NEBL: variants seen among roughly 807,000 people sequenced by gnomAD.
NEBL encodes the protein nebulette.
Under a neutral mutation model 140.2 loss-of-function variants are expected in NEBL, and 122 were observed. The ratio of observed to expected loss-of-function variants is 0.87; its 90% CI spans 0.75 to 1.01. The LOEUF (loss-of-function observed/expected upper bound fraction) is 1.01. NEBL is among the 50% of genes least tolerant of loss of function. The probability of loss-of-function intolerance (pLI) is 0.00; values close to 1 mark genes in which losing one functional copy is unlikely to be tolerated. For missense variants in NEBL, 1,365 were observed against 1,231.3 expected, an observed-to-expected ratio of 1.11 and a Z score of -1.62; for synonymous variants, 436 against 398.9, an observed-to-expected ratio of 1.09 and a Z score of -1.11.
intron 19 of NEBL, among the ~76,000 whole-genome samples, chr10:20,821,486 T>C (rs1187350317): frequency 6.6e-6 from 1 of 152,202 alleles, no homozygotes; most frequent in Non-Finnish European, 1.5e-5. Flanking sequence ...CTCTATGTCA[T>C]ACCAGATAAA....
intron 1 of NEBL, among the ~76,000 whole-genome samples, chr10:21,263,517 A>G (rs1842764492): frequency 6.6e-6 from 1 of 152,200 alleles, no homozygotes; most frequent in East Asian, 1.9e-4. Context: ...CAGTGCTTCT[A>G]TAAATTTTAG....
chr10:20,892,840 G>C (rs1194062201), intron 2 of NEBL, among the ~76,000 whole-genome samples: 2 of 152,180 alleles, frequency 1.3e-5, no homozygotes, highest in African/African-American at 4.8e-5. Context: ...AAAGTATCTG[G>C]AAAGGCTCTT....
intron 4 of NEBL, among the ~76,000 whole-genome samples, chr10:20,940,233 A>G (rs1834777228): frequency 2.6e-5 from 4 of 152,022 alleles, no homozygotes; most frequent in South Asian, 4.2e-4. Flanking sequence ...ATAACAAACT[A>G]TCTCTCAGAC....
rs115321210 is a variant in NEBL, at chr10:21,096,719, T to A, written c.164+75664A>T. Among the ~76,000 whole-genome samples the A allele has an allele frequency of 2.9e-3, 442 of 152,266 alleles. 3 individuals are homozygous for A. Among genetic ancestry groups the A allele is most frequent in the African/African-American group, 0.01 (418 of 41,548 alleles). ...TTATAGAGGTGAAGTCTCACTATGTTGCCCAAGCTAGTCTCATACTCCTGG... is the reference window on the plus strand; with the variant it reads ...TTATAGAGGTGAAGTCTCACTATGTAGCCCAAGCTAGTCTCATACTCCTGG... On this transcript the variant is annotated intron_variant, in intron 2 of 6. Transcript: ENST00000417816.
chr10:21,012,117 G>C (rs1410914112), intron 3 of NEBL, among the ~76,000 whole-genome samples: 1 of 152,116 alleles, frequency 6.6e-6, no homozygotes, highest in Non-Finnish European at 1.5e-5. Flanking sequence ...AGTCAGCAGA[G>C]AGAGAGGAGG....
At chr10:21,257,246 T>C (rs890057709) in intron 1 of NEBL, among the ~76,000 whole-genome samples, 2 of 152,230 alleles carry the variant, frequency 1.3e-5, no homozygotes, top group African/African-American at 4.8e-5. Flanking sequence ...TCAGTATTTC[T>C]ATGAGGCCCT....
chr10:21,282,186 T>C (rs1175549476), intron 1 of NEBL, among the ~76,000 whole-genome samples: 1 of 152,044 alleles, frequency 6.6e-6, no homozygotes, highest in Admixed American at 6.6e-5. Context: ...CAGTGACAGG[T>C]CAGAAGTGAA....
upstream of NEBL, among the ~76,000 whole-genome samples, chr10:21,175,431 A>G (rs1841276764): frequency 1.3e-5 from 2 of 152,248 alleles, no homozygotes; most frequent in African/African-American, 4.8e-5. Flanking sequence ...TTCCGTTGCT[A>G]GCGCACAGAT....
intron 26 of NEBL, among the ~76,000 whole-genome samples, chr10:20,788,412 TTC>T (rs1219551439): frequency 6.6e-6 from 1 of 152,196 alleles, no homozygotes; most frequent in Non-Finnish European, 1.5e-5. Flanking sequence ...TAAGATTTAA[TTC>T]TGAGTGTTAT....
chr10:20,889,229 T>A lies in NEBL; in HGVS notation c.258+616A>T, dbSNP rs183872697. 1.5e-4 allele frequency among the ~76,000 whole-genome samples: 23 copies of A among 152,338 alleles called. No homozygotes were observed. The East Asian group carries it at 4.1e-3, about 27-fold the overall frequency. On this transcript the variant is annotated intron_variant, in intron 3 of 27. Coordinates refer to ENST00000377122, the MANE Select transcript of NEBL (RefSeq NM_006393.3). The stretch of plus-strand genomic sequence containing the variant: ...CAGTAATGCCTCACCACAGAAATCA[T>A]CATCGTTAACATTGTGCTTTACAAT...
intron 4 of NEBL, among the ~76,000 whole-genome samples, chr10:20,934,855 C>T (rs1465120867): frequency 1.3e-5 from 2 of 152,118 alleles, no homozygotes; most frequent in Non-Finnish European, 2.9e-5. Context: ...CATTAACAGA[C>T]AAATCTTTAA....
intron 2 of NEBL, among the ~76,000 whole-genome samples, chr10:21,105,210 T>C (rs1267071393): frequency 6.6e-6 from 1 of 152,188 alleles, no homozygotes; most frequent in Admixed American, 6.5e-5. Context: ...ATATTTTAAG[T>C]TCGGGGATAC....
intron 2 of NEBL, among the ~76,000 whole-genome samples, chr10:21,025,949 A>AACT (rs1409795052): frequency 6.6e-6 from 1 of 152,168 alleles, no homozygotes; most frequent in Non-Finnish European, 1.5e-5. Flanking sequence ...TATGGCTACT[A>AACT]ACTACTACTA....
intron 2 of NEBL, among the ~76,000 whole-genome samples, chr10:21,119,977 G>A (rs1389735677): frequency 2.6e-5 from 4 of 152,016 alleles, no homozygotes; most frequent in African/African-American, 7.3e-5. Context: ...CTCATGATTC[G>A]ATTCAGGTGG....
At chr10:20,995,277 T>A (rs1259245556) in intron 3 of NEBL, among the ~76,000 whole-genome samples, 4 of 152,148 alleles carry the variant, frequency 2.6e-5, no homozygotes, top group Middle Eastern at 6.8e-3. Flanking sequence ...CATAAAAAAA[T>A]GATGTTTCCA....
intron 26 of NEBL, among the ~76,000 whole-genome samples, chr10:20,790,634 AC>A (rs1564326656): frequency 1.3e-5 from 2 of 151,982 alleles, no homozygotes; most frequent in African/African-American, 4.8e-5. Flanking sequence ...AAACAAAAAA[AC>A]AAAGACAAAC....
intron 4 of NEBL, among the ~76,000 whole-genome samples, chr10:20,949,176 C>T (rs1835322539): frequency 6.6e-6 from 1 of 152,126 alleles, no homozygotes; most frequent in African/African-American, 2.4e-5. Flanking sequence ...AACTTCCATT[C>T]TCAGCAAACT....
intron 2 of NEBL, among the ~76,000 whole-genome samples, chr10:21,126,989 A>C (rs966713752): frequency 2.6e-5 from 4 of 151,298 alleles, no homozygotes; most frequent in Non-Finnish European, 4.4e-5. Flanking sequence ...AAAAAAAAAA[A>C]AAAAAAAACT....
chr10:21,091,078 C>T (rs1052562286), intron 2 of NEBL, among the ~76,000 whole-genome samples: 16 of 152,220 alleles, frequency 1.1e-4, no homozygotes, highest in Admixed American at 9.1e-4. Context: ...GAACCTCTCT[C>T]GGATTCGTCT....
Sources: gnomAD v4.1 joint callset for allele counts (sites outside exome capture counted in the v4.1 genomes callset) on GRCh38, gnomAD v4.1.1 for gene constraint, MANE v1.5 for transcripts, NCBI Gene and HGNC (gene_info 2026-07-23, HGNC 2026-07-21) for gene names.